MGA: variants seen among roughly 807,000 people sequenced by gnomAD.
MGA encodes the protein MAX dimerization protein MGA, also known as MAX gene-associated protein.
A neutral mutation model predicts 261.1 loss-of-function variants in MGA; 40 were observed. That is an observed-to-expected ratio of 0.15 (90% CI 0.12 to 0.20). The LOEUF is 0.20. Among genes scored for constraint, MGA ranks in the 10% least tolerant of loss-of-function variants. The pLI is 1.00. For synonymous variants in MGA, 1,302 were observed against 1,290.6 expected, an observed-to-expected ratio of 1.01 and a Z score of -0.19; for missense variants, 3,397 against 3,630.5, an observed-to-expected ratio of 0.94 and a Z score of 1.65.
intron 14 of MGA, 21 bp downstream of exon 14, chr15:41,740,224 G>A (rs768114815): frequency 6.2e-7 from 1 of 1,610,900 alleles, no homozygotes; most frequent in Non-Finnish European, 8.5e-7. Flanking sequence ...GTGTATGTAT[G>A]GTTTGGAAAG....
At chr15:41,757,920 A>G (rs1227950850) in intron 19 of MGA, 81 bp downstream of exon 19, 7 of 1,235,010 alleles carry the variant, frequency 5.7e-6, no homozygotes, top group Non-Finnish European at 7.0e-6. Context: ...AACATTAGCT[A>G]TATTAGCCAC....
At chr15:41,704,813 G>A (rs1228213901) in intron 5 of MGA, among the ~76,000 whole-genome samples, 1 of 152,090 alleles carries the variant, frequency 6.6e-6, no homozygotes, top group African/African-American at 2.4e-5. Flanking sequence ...CTAGCAGTTG[G>A]CATTTTTGGC....
In MGA at chr15:41,768,293, A is replaced by G. The variant is rs2063898247; in HGVS notation, c.*1013A>G. On this transcript the variant is annotated 3_prime_UTR_variant, in exon 24 of 24. Coordinates refer to ENST00000219905, the MANE Select transcript of MGA (RefSeq NM_001164273.2). ...TAAGGCAGTATTTGAATCACAAGATATATTTTTTATCTGCAACCATGGATC... is the reference window on the plus strand; with the variant it reads ...TAAGGCAGTATTTGAATCACAAGATGTATTTTTTATCTGCAACCATGGATC... 6.6e-6 allele frequency: 1 copy of G among 152,646 alleles called. No individual in the cohort carries two copies. Among genetic ancestry groups the G allele is most frequent in the Non-Finnish European group, 1.5e-5 (1 of 68,048 alleles). The allele number at this position is 152,646 out of a possible 1,614,324, so 9.5% of individuals were successfully genotyped here.
intron 1 of MGA, among the ~76,000 whole-genome samples, chr15:41,641,976 T>A (rs2056831618): frequency 2.0e-5 from 3 of 151,746 alleles, no homozygotes; most frequent in Admixed American, 2.0e-4. Flanking sequence ...TTGTGCTTTT[T>A]GTAGAGACAG....
chr15:41,690,897 T>C (rs906618992), intron 2 of MGA, among the ~76,000 whole-genome samples: 1 of 151,906 alleles, frequency 6.6e-6, no homozygotes, highest in Non-Finnish European at 1.5e-5. Flanking sequence ...ACCAAACTAA[T>C]AGACACACTG....
At chr15:41,688,093 T>A (rs1236805621) in intron 2 of MGA, among the ~76,000 whole-genome samples, 1 of 152,218 alleles carries the variant, frequency 6.6e-6, no homozygotes, top group Non-Finnish European at 1.5e-5. Context: ...TATTTTATTT[T>A]GAGATGGAAC....
At chr15:41,754,639 C>T (rs1200984599) in intron 18 of MGA, 72 bp downstream of exon 18, 19 of 1,435,660 alleles carry the variant, frequency 1.3e-5, no homozygotes, top group Non-Finnish European at 1.4e-5. Context: ...ATGTTCTGTT[C>T]AGGAGCTCTG....
In MGA at chr15:41,767,159, A is replaced by G. The variant is rs1420049751; in HGVS notation, c.9077A>G (p.His3026Arg). The change falls in exon 24 of 24, where the codon CAC becomes CGC. Residue 3026 changes from histidine (H) to arginine (R), a missense_variant. By Grantham distance (29) the His-to-Arg change is conservative. Transcript: ENST00000219905. The stretch of plus-strand genomic sequence containing the variant: ...GCTGCCAAAGTTGGGTCAGTTGGAC[A>G]CAAAATGAACTTAACAGGGAATGAC... The G allele has an allele frequency of 1.9e-6, 3 of 1,614,026 alleles. No individual in the cohort carries two copies. Among genetic ancestry groups the G allele is most frequent in the Non-Finnish European group, 2.5e-6 (3 of 1,179,884 alleles).
intron 1 of MGA, among the ~76,000 whole-genome samples, chr15:41,664,605 T>C (rs538804476): frequency 6.6e-6 from 1 of 152,316 alleles, no homozygotes; most frequent in Non-Finnish European, 1.5e-5. Context: ...GATGTTGTGC[T>C]CACGTGGAAC....
chr15:41,645,516 G>A (rs2056919283), intron 1 of MGA, among the ~76,000 whole-genome samples: 1 of 152,194 alleles, frequency 6.6e-6, no homozygotes, highest in South Asian at 2.1e-4. Flanking sequence ...CCTGGGAGGT[G>A]GAGGTTGCAG....
intron 1 of MGA, among the ~76,000 whole-genome samples, chr15:41,625,283 A>C (rs2056421071): frequency 6.6e-6 from 1 of 152,082 alleles, no homozygotes; most frequent in Non-Finnish European, 1.5e-5. Context: ...AGACAAATTT[A>C]TTTATTTAGT....
chr15:41,740,252 G>T, intron 14 of MGA, 49 bp downstream of exon 14: 1 of 1,576,812 alleles, frequency 6.3e-7, no homozygotes, highest in Non-Finnish European at 8.7e-7. Context: ...ACTTGGTGGT[G>T]GGACAGTGGG....
chr15:41,734,575 T>G lies in MGA; in HGVS notation c.3897T>G (p.Asp1299Glu), dbSNP rs777194058. 1 of 1,603,822 alleles carries G rather than the reference T, an allele frequency of 6.2e-7. No individual in the cohort carries two copies. Among genetic ancestry groups the G allele is most frequent in the South Asian group, 1.1e-5 (1 of 89,204 alleles). Residue 1299 changes from aspartate to glutamate, a missense_variant, in exon 12 of 24, where the codon GAT becomes GAG. By Grantham distance (45) the Asp-to-Glu change is conservative. Transcript: ENST00000219905. ...AACAACTCACCTGTGACTTGGAGGA[T>G]GATTCTGATAAATTACAAGGTCAGA...
chr15:41,660,278 C>G (rs1034944758), upstream of MGA: 2 of 152,568 alleles, frequency 1.3e-5, no homozygotes, highest in African/African-American at 4.8e-5. Context: ...AAGGGTCTTG[C>G]TGCTGCTCTG....
At chr15:41,735,069 C>T (rs1020302959) in intron 12 of MGA, among the ~76,000 whole-genome samples, 2 of 152,164 alleles carry the variant, frequency 1.3e-5, no homozygotes, top group African/African-American at 4.8e-5. Context: ...CTTCCCGAGA[C>T]TTCTGACACT....
intron 2 of MGA, among the ~76,000 whole-genome samples, chr15:41,690,996 T>TG (rs906416749): frequency 9.4e-5 from 8 of 85,092 alleles, no homozygotes; most frequent in Non-Finnish European, 1.8e-4. Context: ...ATTGCTTTGT[T>TG]TTTTTTTTTT....
intron 1 of MGA, among the ~76,000 whole-genome samples, chr15:41,643,206 T>C (rs1321931677): frequency 1.9e-5 from 2 of 103,830 alleles, no homozygotes; most frequent in Non-Finnish European, 2.2e-5. Context: ...GCCTGGCTCT[T>C]TTTTTTTTTT....
At chr15:41,635,103 G>A (rs1266410778) in intron 1 of MGA, among the ~76,000 whole-genome samples, 4 of 152,152 alleles carry the variant, frequency 2.6e-5, no homozygotes, top group Admixed American at 1.3e-4. Context: ...GGAGGCTGAG[G>A]CAGTTGGATC....
chr15:41,675,152 C>T (rs555413175), intron 2 of MGA, among the ~76,000 whole-genome samples: 2 of 152,246 alleles, frequency 1.3e-5, no homozygotes, highest in South Asian at 4.1e-4. Context: ...CTTTTTGTTA[C>T]ATGTCTAGGA....
Sources: gnomAD v4.1 joint callset for allele counts (sites outside exome capture counted in the v4.1 genomes callset) on GRCh38, gnomAD v4.1.1 for gene constraint, MANE v1.5 for transcripts, NCBI Gene and HGNC (gene_info 2026-07-23, HGNC 2026-07-21) for gene names.